The following ZFC3H1 variants were observed in gnomAD, a reference collection of about 807,000 sequenced individuals.
The protein encoded by ZFC3H1 is zinc finger C3H1 domain-containing protein.
Under a neutral mutation model 243.7 loss-of-function variants are expected in ZFC3H1, and 71 were observed. The ratio of observed to expected loss-of-function variants is 0.29; its 90% CI spans 0.24 to 0.36. ZFC3H1 has a LOEUF of 0.36. ZFC3H1 is among the 10% of genes least tolerant of loss of function. The pLI is 1.00. For synonymous variants in ZFC3H1, 838 were observed against 813.0 expected (o/e 1.03, Z -0.52); for missense variants, 1,966 against 2,317.1 (o/e 0.85, Z 3.11).
At chr12:71,646,690 G>T (rs1363541807) in intron 3 of ZFC3H1, among the ~76,000 whole-genome samples, 1 of 152,108 alleles carries the variant, frequency 6.6e-6, no homozygotes, top group African/African-American at 2.4e-5. Flanking sequence ...GAGCTAAAGT[G>T]ATCAAACTAC....
Position 71,645,095 on chromosome 12 carries a change from A to G in ZFC3H1, c.1081-20T>C, listed in dbSNP as rs1880695790. 1.3e-6 allele frequency: 2 copies of G among 1,562,926 alleles called. No individual in the cohort carries two copies. Among genetic ancestry groups the G allele is most frequent in the East Asian group, 2.3e-5 (1 of 44,046 alleles). ...AAGTTTCTTTAAAGCAAAAAGAAAG[A>G]GCTAAAATTTTTTAATTCTATTATT... On this transcript the variant is annotated intron_variant, in intron 3 of 34. Transcript: ENST00000378743.
At chr12:71,629,079 T>C (rs768964325) in intron 19 of ZFC3H1, 42 bp from the exon 20 acceptor site, 18 of 1,507,098 alleles carry the variant, frequency 1.2e-5, no homozygotes, top group Non-Finnish European at 1.6e-5. Context: ...TATAACTAGT[T>C]TTTTTTTTAA....
chr12:71,663,706 G>A lies in ZFC3H1; in HGVS notation c.-96C>T, dbSNP rs569125618. On this transcript the variant is annotated 5_prime_UTR_variant, in exon 1 of 35. Coordinates refer to ENST00000378743, the MANE Select transcript of ZFC3H1 (RefSeq NM_144982.5). ...CCTTCTTTCCTAACGGACTGGGTCG[G>A]TGCGGTCTTACCCTACTCGGACACC... 1.4e-6 allele frequency: 2 copies of A among 1,440,772 alleles called. No homozygotes were observed. 89.2% of individuals were successfully genotyped at this position (1,440,772 alleles called of 1,614,324 possible). A position where few individuals can be genotyped will look rare whatever the true frequency, so the allele number is the denominator to read the frequency against.
intron 2 of ZFC3H1, 194 bp downstream of exon 2, chr12:71,656,691 A>C: frequency 1.6e-6 from 1 of 633,328 alleles, no homozygotes; most frequent in Non-Finnish European, 2.6e-6. Flanking sequence ...ATGTCAGGCA[A>C]AAAATAAATA....
At chr12:71,629,197 C>G (rs1880250558) in intron 19 of ZFC3H1, among the ~76,000 whole-genome samples, 160 bp from the exon 20 acceptor site, 1 of 149,972 alleles carries the variant, frequency 6.7e-6, no homozygotes, top group African/African-American at 2.5e-5. Flanking sequence ...CACTCTGTCA[C>G]CCAGGCTGGA....
rs1880623709 is a variant in ZFC3H1, at chr12:71,642,466, T to C, written c.1597A>G (p.Met533Val). 4 of 1,613,278 alleles carry C rather than the reference T, an allele frequency of 2.5e-6. No homozygotes were observed. The highest frequency in any genetic ancestry group is 3.4e-6 in the Non-Finnish European group (4 of 1,179,648). ...GAACTGGTTTCACTATCTGTATCCA[T>C]AGCAACTTCTTCATAGTTATCATAC... ...YQYDNYEEVA[M>V]DTDSETSSPA... is the part of the protein sequence containing the mutation. Residue 533 changes from methionine to valine, a missense_variant, in exon 6 of 35, where the codon ATG becomes GTG. This residue lies in a region of ZFC3H1 where 1,383 missense variants were observed against 1,723.7 expected (regional missense o/e 0.80). Transcript: ENST00000378743.
At chr12:71,634,059 G>A (rs1880395171) in intron 12 of ZFC3H1, 96 bp downstream of exon 12, 5 of 1,257,318 alleles carry the variant, frequency 4.0e-6, no homozygotes, top group Non-Finnish European at 5.5e-6. Flanking sequence ...GTGAGAAAAT[G>A]TATAATCTTA....
intron 27 of ZFC3H1, among the ~76,000 whole-genome samples, chr12:71,617,993 A>G (rs976234562): frequency 5.3e-5 from 8 of 152,170 alleles, no homozygotes; most frequent in African/African-American, 1.9e-4. Flanking sequence ...GACCGGGCGC[A>G]GTGGCTCACA....
At chr12:71,659,885 T>C (rs541173499) in intron 1 of ZFC3H1, among the ~76,000 whole-genome samples, 2 of 152,230 alleles carry the variant, frequency 1.3e-5, no homozygotes, top group Non-Finnish European at 2.9e-5. Flanking sequence ...CCTAATTATG[T>C]TAGCTCTCCT....
intron 31 of ZFC3H1, 76 bp from the exon 32 acceptor site, chr12:71,611,963 G>T: frequency 1.3e-6 from 1 of 794,662 alleles, no homozygotes; most frequent in Non-Finnish European, 2.0e-6. Context: ...TGAGCACAAT[G>T]ACGAAGTATA....
intron 16 of ZFC3H1, among the ~76,000 whole-genome samples, chr12:71,631,176 A>G (rs1592591712): frequency 6.6e-6 from 1 of 152,096 alleles, no homozygotes; most frequent in East Asian, 1.9e-4. Flanking sequence ...TAGTTTAAAC[A>G]GAAAAAAAAC....
chr12:71,663,460 G>A lies in ZFC3H1; in HGVS notation c.151C>T (p.Pro51Ser), dbSNP rs1451279042. 4 of 1,612,466 alleles carry A rather than the reference G, an allele frequency of 2.5e-6. No individual in the cohort carries two copies. Among genetic ancestry groups the A allele is most frequent in the Non-Finnish European group, 3.4e-6 (4 of 1,180,030 alleles). The change falls in exon 1 of 35, where the codon CCC (proline) becomes TCC (serine). Residue 51 changes from proline (P) to serine (S), a missense_variant. Pro to Ser is a moderately conservative substitution (Grantham distance 74). Transcript: ENST00000378743. The stretch of plus-strand genomic sequence containing the variant: ...TGAGGAGGCCTTCGCCGCGGATAGG[G>A]TAACAGCCCGCCGCCGCTGCTGCTG... ...SSSSSGGGLLPYPRRRPPHSA... is the reference protein window; with the variant it reads ...SSSSSGGGLLSYPRRRPPHSA...
chr12:71,635,431 T>A lies in ZFC3H1; in HGVS notation c.2238+12A>T, dbSNP rs2137538538. The A allele has an allele frequency of 6.4e-7, 1 of 1,561,552 alleles. No homozygotes were observed. The highest frequency in any genetic ancestry group is 1.7e-4 in the Middle Eastern group (1 of 5,944). On this transcript the variant is annotated intron_variant, in intron 10 of 34. Transcript: ENST00000378743. ...GGTCATCTTTCTTTCCACCTTTAAT[T>A]ATTGCACTTACCTCAGCAGTTCGTC...
intron 3 of ZFC3H1, among the ~76,000 whole-genome samples, chr12:71,645,680 T>G (rs957708672): frequency 2.6e-5 from 4 of 152,242 alleles, no homozygotes; most frequent in Admixed American, 2.6e-4. Flanking sequence ...CTGAATATTT[T>G]ATATATTTTG....
At position 71,627,733 on chromosome 12, in the gene ZFC3H1, G is replaced by C; in HGVS notation, c.4130+18C>G. 6.3e-7 allele frequency: 1 copy of C among 1,597,696 alleles called. No individual in the cohort carries two copies. Among genetic ancestry groups the C allele is most frequent in the African/African-American group, 1.4e-5 (1 of 74,006 alleles). On this transcript the variant is annotated intron_variant, in intron 21 of 34. Coordinates refer to ENST00000378743, the MANE Select transcript of ZFC3H1 (RefSeq NM_144982.5). ...ATAAATGTGCAACTGTTTACACAAA[G>C]ATTTGAAGTTGACCTACCCCTCATT...
At chr12:71,615,528 T>C (rs908324785) in intron 27 of ZFC3H1, among the ~76,000 whole-genome samples, 1 of 152,202 alleles carries the variant, frequency 6.6e-6, no homozygotes. Context: ...TTTGTTTGTT[T>C]GTTTTTGAGA....
chr12:71,613,406 T>C lies in ZFC3H1; in HGVS notation c.5556A>G (p.Pro1852=), dbSNP rs190343283. The change falls in exon 31 of 35, where the codon CCA becomes CCG. Residue 1852 remains proline, a synonymous_variant. Coordinates refer to ENST00000378743, the MANE Select transcript of ZFC3H1 (RefSeq NM_144982.5). ...RVIFFYLSCV[P]KTQHSKTLER... is the part of the protein sequence containing the mutation. Reference sequence around the variant, plus strand: ...CCAAGGTTTTGGAATGCTGGGTCTTTGGAACACAGCTCAAATAAAAGAAAA... The same window carrying C: ...CCAAGGTTTTGGAATGCTGGGTCTTCGGAACACAGCTCAAATAAAAGAAAA... 48 of 1,609,834 alleles carry C rather than the reference T, an allele frequency of 3.0e-5. No homozygotes were observed. In the Middle Eastern group the frequency reaches 6.6e-4, roughly 22 times the overall value.
At chr12:71,624,928 T>C (rs111708506) in intron 22 of ZFC3H1, among the ~76,000 whole-genome samples, 149 of 152,174 alleles carry the variant, frequency 9.8e-4, no homozygotes, top group African/African-American at 3.4e-3. Flanking sequence ...CATCACACCA[T>C]TGCACTCCAG....
At chr12:71,657,355 A>G in intron 1 of ZFC3H1, 54 bp from the exon 2 acceptor site, 1 of 1,269,754 alleles carries the variant, frequency 7.9e-7, no homozygotes, top group Non-Finnish European at 1.1e-6. Flanking sequence ...AGTTAAATTT[A>G]ACAAAAAAAC....
Sources: allele counts gnomAD v4.1 joint callset (sites outside exome capture counted in the v4.1 genomes callset), GRCh38; gene constraint gnomAD v4.1.1; regional missense constraint gnomAD v4.1.1; transcripts MANE v1.5; gene names NCBI Gene and HGNC (gene_info 2026-07-23, HGNC 2026-07-21).